CYP46A1: variants seen among roughly 807,000 people sequenced by gnomAD.
CYP46A1 encodes cholesterol 24-hydroxylase.
CYP46A1 carries 20 observed loss-of-function variants against 63.3 expected under a neutral mutation model. The ratio of observed to expected loss-of-function variants is 0.32; its 90% confidence interval spans 0.22 to 0.46. CYP46A1 has a LOEUF of 0.46. Among genes scored for constraint, CYP46A1 ranks in the 20% least tolerant of loss-of-function variants. The pLI is 1.00. For synonymous variants in CYP46A1, 268 were observed against 273.6 expected (o/e 0.98, Z 0.20); for missense variants, 445 against 670.8 (o/e 0.66, Z 3.72).
At chr14:99,684,751 A>T in intron 1 of CYP46A1, 2 of 641,862 alleles carry the variant, frequency 3.1e-6, no homozygotes, top group Non-Finnish European at 2.9e-6. Context: ...GCTGGGCCCC[A>T]CAAACGTGAT....
chr14:99,711,750 A>G (rs560374480), intron 7 of CYP46A1: 1 of 152,312 alleles, frequency 6.6e-6, no homozygotes, highest in South Asian at 2.1e-4. Flanking sequence ...ATTGAAGAAG[A>G]GGGAACTCTT....
intron 11 of CYP46A1, 115 bp downstream of exon 11, chr14:99,721,438 T>A: frequency 1.3e-6 from 1 of 745,788 alleles, no homozygotes; most frequent in Non-Finnish European, 2.4e-6. Context: ...CATAGGGTCC[T>A]CCCCCGGAAG....
rs946030679 is a variant in CYP46A1, at chr14:99,726,571, G to A, written c.1347G>A (p.Val449=). Residue 449 remains valine (V), a synonymous_variant, in exon 15 of 15, where the codon GTG becomes GTA. Transcript: ENST00000261835. ...GQQFAQMEVK[V]VMAKLLQRLE... ...GCTGGGCCCAGATGGAGGTGAAGGT[G>A]GTCATGGCAAAGCTGCTGCAGAGGC... 3 of 1,589,844 alleles carry A rather than the reference G, an allele frequency of 1.9e-6. No individual in the cohort carries two copies. Among genetic ancestry groups the A allele is most frequent in the African/African-American group, 2.7e-5 (2 of 74,452 alleles).
chr14:99,686,890 A>G (rs760931688), intron 1 of CYP46A1, among the ~76,000 whole-genome samples: 17 of 152,248 alleles, frequency 1.1e-4, no homozygotes, highest in Non-Finnish European at 2.2e-4. Flanking sequence ...AAACTGCACT[A>G]AATGAAAGTT....
intron 11 of CYP46A1, 77 bp from the exon 12 acceptor site, chr14:99,721,879 C>A: frequency 8.1e-7 from 1 of 1,233,828 alleles, no homozygotes. Context: ...AGACAGGGGT[C>A]CCAGGCATGC....
chr14:99,684,946 G>A (rs973908309), intron 1 of CYP46A1, among the ~76,000 whole-genome samples: 1 of 152,168 alleles, frequency 6.6e-6, no homozygotes, highest in Non-Finnish European at 1.5e-5. Flanking sequence ...GGTCAGCCTG[G>A]ATTGGAGCAC....
Position 99,722,183 on chromosome 14 carries a change from C to T in CYP46A1, c.1176+117C>T. ...GTTCCCATCATTGCAACGGGCCTCA[C>T]TGGCTGCCCTGGTCTTTCTCATGGA... On this transcript the variant is annotated intron_variant, in intron 12 of 14. Coordinates refer to ENST00000261835, the MANE Select transcript of CYP46A1 (RefSeq NM_006668.2). This position sits in a 1 kb window ranked among gnomAD's most constrained non-coding sequence, Gnocchi z 4.6. 1 of 665,714 alleles carries T rather than the reference C, an allele frequency of 1.5e-6. No individual in the cohort carries two copies. Among genetic ancestry groups the T allele is most frequent in the Non-Finnish European group, 2.6e-6 (1 of 386,996 alleles). The allele number at this position is 665,714 out of a possible 1,614,324, so 41.2% of individuals were successfully genotyped here. A position where few individuals can be genotyped will look rare whatever the true frequency, so the allele number is the denominator to read the frequency against.
chr14:99,715,777 A>G (rs754508077), intron 7 of CYP46A1, 33 bp from the exon 8 acceptor site: 8 of 1,613,784 alleles, frequency 5.0e-6, no homozygotes, highest in South Asian at 4.4e-5. Context: ...ATGCGTGTTC[A>G]CTTGGCCATC....
chr14:99,710,285 A>G (rs1238593268), intron 7 of CYP46A1: 4 of 152,170 alleles, frequency 2.6e-5, no homozygotes, highest in African/African-American at 4.8e-5. Flanking sequence ...TTAATCAAAC[A>G]ACCAGAAAAC....
At chr14:99,691,305 A>T in intron 2 of CYP46A1, 144 bp downstream of exon 2, 1 of 760,962 alleles carries the variant, frequency 1.3e-6, no homozygotes, top group Non-Finnish European at 2.2e-6. Flanking sequence ...CCCTGAGTGG[A>T]GGCAGGTGAG....
intron 6 of CYP46A1, 89 bp from the exon 7 acceptor site, chr14:99,707,479 A>G: frequency 1.0e-6 from 1 of 984,416 alleles, no homozygotes; most frequent in Middle Eastern, 2.8e-4. Flanking sequence ...CCCAGAGTCC[A>G]GGTGTCTAGC....
chr14:99,717,750 C>T (rs1226987403), intron 9 of CYP46A1: 3 of 349,778 alleles, frequency 8.6e-6, no homozygotes, highest in Non-Finnish European at 1.6e-5. Flanking sequence ...GTGCACCCTG[C>T]ATCCTGGGAA....
At chr14:99,721,859 TG>T in intron 11 of CYP46A1, 96 bp from the exon 12 acceptor site, 1 of 933,896 alleles carries the variant, frequency 1.1e-6, no homozygotes. Flanking sequence ...ACTCAGCCTG[TG>T]GGTGGGAAAG....
intron 8 of CYP46A1, 83 bp from the exon 9 acceptor site, chr14:99,716,054 G>C: frequency 3.7e-6 from 6 of 1,611,556 alleles, no homozygotes; most frequent in Non-Finnish European, 4.2e-6. Context: ...GGCTTAAGAG[G>C]AGAAACACAG....
chr14:99,722,320 G>T lies in CYP46A1; in HGVS notation c.1176+254G>T, dbSNP rs2056854986. On this transcript the variant is annotated intron_variant, in intron 12 of 14. Coordinates refer to ENST00000261835, the MANE Select transcript of CYP46A1 (RefSeq NM_006668.2). The surrounding 1 kb of genome is among the most constrained non-coding windows in gnomAD (Gnocchi z 4.6). ...CCCATTTACAGCTGAGGACACTGAG[G>T]TTCAGAGAGGTTAGGTCACTTTCCT... Among the ~76,000 whole-genome samples the T allele has an allele frequency of 6.6e-6, 1 of 152,114 alleles. No homozygotes were observed. Among genetic ancestry groups the T allele is most frequent in the Admixed American group, 6.6e-5 (1 of 15,262 alleles).
At chr14:99,721,907 T>C in intron 11 of CYP46A1, 49 bp from the exon 12 acceptor site, 1 of 1,499,898 alleles carries the variant, frequency 6.7e-7, no homozygotes, top group Non-Finnish European at 9.3e-7. Context: ...CGGCATGATC[T>C]GTGGCCTCTC....
chr14:99,689,257 C>G (rs1241510589), intron 1 of CYP46A1, among the ~76,000 whole-genome samples: 1 of 152,174 alleles, frequency 6.6e-6, no homozygotes, highest in African/African-American at 2.4e-5. Context: ...ATTGGTCCCC[C>G]CAAAGCTGAT....
chr14:99,721,922 C>A (rs1362313771), intron 11 of CYP46A1, 34 bp from the exon 12 acceptor site: 31 of 1,568,664 alleles, frequency 2.0e-5, no homozygotes, highest in African/African-American at 2.7e-5. Context: ...CCTCTCCCGA[C>A]TCTCCTTGTT....
At chr14:99,690,082 T>C (rs1405095146) in intron 1 of CYP46A1, among the ~76,000 whole-genome samples, 3 of 152,168 alleles carry the variant, frequency 2.0e-5, no homozygotes, top group Non-Finnish European at 4.4e-5. Flanking sequence ...CACCTGCTGT[T>C]CCCATTGCTT....
Sources: gnomAD v4.1 joint callset for allele counts (sites outside exome capture counted in the v4.1 genomes callset) on GRCh38, gnomAD v4.1.1 for gene constraint, Gnocchi (gnomAD v3.1) non-coding constraint, MANE v1.5 for transcripts, NCBI Gene and HGNC (gene_info 2026-07-23, HGNC 2026-07-21) for gene names.